TAFA2: variants seen among roughly 807,000 people sequenced by gnomAD.
TAFA2 encodes chemokine-like protein TAFA-2.
Under a neutral mutation model 18.8 loss-of-function variants are expected in TAFA2, and 7 were observed. That is an observed-to-expected ratio of 0.37 (90% CI 0.21 to 0.70). TAFA2 has a LOEUF of 0.70. Ranked by LOEUF, TAFA2 falls within the 30% of genes least tolerant of loss-of-function variation. The pLI, the probability that TAFA2 is intolerant of heterozygous loss-of-function variation, is 0.53. For missense variants in TAFA2, 122 were observed against 158.1 expected (o/e 0.77, Z 1.23); for synonymous variants, 60 against 54.2 (o/e 1.11, Z -0.47).
At chr12:61,987,058 T>C (rs371642612) in intron 1 of TAFA2, among the ~76,000 whole-genome samples, 1 of 152,206 alleles carries the variant, frequency 6.6e-6, no homozygotes, top group East Asian at 1.9e-4. Flanking sequence ...GATTCGCTCC[T>C]CCAAATATAA....
At chr12:61,979,648 G>T (rs1879560219) in intron 1 of TAFA2, among the ~76,000 whole-genome samples, 1 of 151,792 alleles carries the variant, frequency 6.6e-6, no homozygotes, top group Admixed American at 6.6e-5. Flanking sequence ...AGGAAGGTGA[G>T]TAAGGAGGAA....
chr12:61,986,495 C>T (rs746267393), intron 1 of TAFA2, among the ~76,000 whole-genome samples: 41 of 151,858 alleles, frequency 2.7e-4, no homozygotes, highest in Middle Eastern at 3.4e-3. Context: ...AATGGGATTT[C>T]GCTATGTTGG....
chr12:61,856,556 T>G (rs937590576), intron 2 of TAFA2, among the ~76,000 whole-genome samples: 1 of 152,030 alleles, frequency 6.6e-6, no homozygotes, highest in Non-Finnish European at 1.5e-5. Flanking sequence ...AGGTTTACAA[T>G]TTGACAACAT....
intron 1 of TAFA2, among the ~76,000 whole-genome samples, chr12:62,061,076 T>A (rs1283871831): frequency 6.6e-6 from 1 of 151,956 alleles, no homozygotes; most frequent in Admixed American, 6.6e-5. Context: ...AATTTATTAT[T>A]GGAGAAAGAA....
chr12:61,869,336 G>A (rs946022159), intron 1 of TAFA2, among the ~76,000 whole-genome samples: 1 of 152,124 alleles, frequency 6.6e-6, no homozygotes, highest in Non-Finnish European at 1.5e-5. Flanking sequence ...CAGTGTTGTT[G>A]GTATGAAGAT....
chr12:61,755,107 A>C, intron 2 of TAFA2, 83 bp from the exon 3 acceptor site: 1 of 1,338,514 alleles, frequency 7.5e-7, no homozygotes, highest in Non-Finnish European at 1.0e-6. Flanking sequence ...GCAGTACATT[A>C]AATATAGCTC....
chr12:61,853,399 TA>T (rs995820326), intron 2 of TAFA2, among the ~76,000 whole-genome samples: 24 of 151,986 alleles, frequency 1.6e-4, no homozygotes, highest in African/African-American at 2.9e-4. Context: ...AGGAAGAGTA[TA>T]AAAAAAATTT....
chr12:62,178,356 G>A (rs1442183574), intron 1 of TAFA2, among the ~76,000 whole-genome samples: 3 of 152,104 alleles, frequency 2.0e-5, no homozygotes, highest in Non-Finnish European at 4.4e-5. Flanking sequence ...ATTCTGTCAG[G>A]AGTATAAAAG....
intron 1 of TAFA2, among the ~76,000 whole-genome samples, chr12:61,923,847 G>C (rs190172389): frequency 0.016 from 2,449 of 151,820 alleles, 38 homozygotes; most frequent in African/African-American, 0.043. Flanking sequence ...CTTGATAAAA[G>C]GTTACAGGAA....
intron 4 of TAFA2, among the ~76,000 whole-genome samples, chr12:61,722,475 T>C (rs1869950467): frequency 6.6e-6 from 1 of 152,134 alleles, no homozygotes; most frequent in Non-Finnish European, 1.5e-5. Flanking sequence ...GTGAAGTGGG[T>C]CAGTGTTATG....
chr12:62,042,682 A>G (rs1221564346), intron 1 of TAFA2, among the ~76,000 whole-genome samples: 2 of 152,100 alleles, frequency 1.3e-5, no homozygotes, highest in Non-Finnish European at 2.9e-5. Context: ...TGATGAGCCT[A>G]TATTTTTTCT....
chr12:62,034,357 C>T (rs1003478014), intron 1 of TAFA2, among the ~76,000 whole-genome samples: 5 of 152,092 alleles, frequency 3.3e-5, no homozygotes, highest in African/African-American at 9.7e-5. Flanking sequence ...ATTTTACCTA[C>T]CTCGGAAAGG....
chr12:62,092,703 A>G (rs1279217635), intron 1 of TAFA2, among the ~76,000 whole-genome samples: 1 of 152,024 alleles, frequency 6.6e-6, no homozygotes, highest in East Asian at 1.9e-4. Context: ...TGAATAAGTG[A>G]ATGGATAAAT....
intron 1 of TAFA2, among the ~76,000 whole-genome samples, chr12:62,205,805 G>A (rs2062689294): frequency 6.6e-6 from 1 of 152,140 alleles, no homozygotes; most frequent in Admixed American, 6.5e-5. Flanking sequence ...CAGCCAAGTG[G>A]CCACCAAGAA....
chr12:61,789,662 T>C (rs1870891092), intron 2 of TAFA2, among the ~76,000 whole-genome samples: 1 of 151,758 alleles, frequency 6.6e-6, no homozygotes, highest in Non-Finnish European at 1.5e-5. Context: ...GCACATTCTG[T>C]GCATGTATCC....
At chr12:62,071,941 A>C (rs1042178844) in intron 1 of TAFA2, among the ~76,000 whole-genome samples, 2 of 152,198 alleles carry the variant, frequency 1.3e-5, no homozygotes, top group Admixed American at 6.5e-5. Context: ...TTTATTATGC[A>C]ATACACTTCA....
intron 1 of TAFA2, among the ~76,000 whole-genome samples, chr12:62,090,459 G>C (rs917333934): frequency 3.9e-5 from 6 of 152,040 alleles, no homozygotes; most frequent in Admixed American, 3.3e-4. Context: ...ATGAAGAATG[G>C]TGAAGTTTCT....
chr12:61,932,457 C>T (rs1399270208), intron 1 of TAFA2, among the ~76,000 whole-genome samples: 1 of 152,116 alleles, frequency 6.6e-6, no homozygotes, highest in Non-Finnish European at 1.5e-5. Flanking sequence ...ACCCATAACT[C>T]TCTGCAGAGT....
rs114708323 is a variant in TAFA2, at chr12:62,187,280, C to T, written c.-2+3979G>A. Reference sequence around the variant, plus strand: ...TAAAAGTATCTCCAAAAGAAAAATTCATGAGAAAAATAGAATGTATTAACA... The same window carrying T: ...TAAAAGTATCTCCAAAAGAAAAATTTATGAGAAAAATAGAATGTATTAACA... On this transcript the variant is annotated intron_variant, in intron 1 of 4. Coordinates refer to ENST00000416284, the MANE Select transcript of TAFA2 (RefSeq NM_178539.5). Among the ~76,000 whole-genome samples, 915 of 152,100 alleles carry T rather than the reference C, an allele frequency of 6.0e-3. 11 individuals are homozygous for T. The highest frequency in any genetic ancestry group is 0.021 in the African/African-American group (870 of 41,498).
Sources: gnomAD v4.1 joint callset for allele counts (sites outside exome capture counted in the v4.1 genomes callset) on GRCh38, gnomAD v4.1.1 for gene constraint, MANE v1.5 for transcripts, NCBI Gene and HGNC (gene_info 2026-07-23, HGNC 2026-07-21) for gene names.